Variants in ITPR2 observed in about 807,000 individuals in gnomAD.
The protein encoded by ITPR2 is inositol 1,4,5-trisphosphate receptor type 2.
Under a neutral mutation model 317.1 loss-of-function variants are expected in ITPR2, and 207 were observed. The ratio of observed to expected loss-of-function variants is 0.65; its 90% CI spans 0.58 to 0.73. The LOEUF is 0.73. ITPR2 is among the 30% of genes least tolerant of loss of function. The pLI, the probability that ITPR2 is intolerant of heterozygous loss-of-function variation, is 0.00. For synonymous variants in ITPR2, 1,156 were observed against 1,149.1 expected (o/e 1.01, Z -0.12); for missense variants, 2,613 against 3,284.0 (o/e 0.80, Z 4.99).
chr12:26,368,755 C>T (rs900087807), intron 55 of ITPR2, among the ~76,000 whole-genome samples: 1 of 152,032 alleles, frequency 6.6e-6, no homozygotes, highest in African/African-American at 2.4e-5. Flanking sequence ...TACTAAGCGC[C>T]CACTATGTGC....
At position 26,715,238 on chromosome 12, in the gene ITPR2, C is replaced by A. The variant is rs1168547447; in HGVS notation, c.855+61G>T. 2.1e-6 allele frequency: 3 copies of A among 1,396,098 alleles called. No homozygotes were observed. In the African/African-American group the frequency reaches 4.3e-5, roughly 20 times the overall value. 86.5% of individuals were successfully genotyped at this position (1,396,098 alleles called of 1,614,324 possible). On this transcript the variant is annotated intron_variant, in intron 8 of 56. Coordinates refer to ENST00000381340, the MANE Select transcript of ITPR2 (RefSeq NM_002223.4). ...ATGCCTATAACAATAAAACAACAAGCCCAGTGAATCTTCTCTTTTTGATCT... is the reference window on the plus strand; with the variant it reads ...ATGCCTATAACAATAAAACAACAAGACCAGTGAATCTTCTCTTTTTGATCT...
chr12:26,513,798 C>T (rs1211866454), intron 37 of ITPR2, among the ~76,000 whole-genome samples: 2 of 151,858 alleles, frequency 1.3e-5, no homozygotes, highest in Non-Finnish European at 2.9e-5. Flanking sequence ...ACATTTTTCC[C>T]CCGCCGTGGT....
rs1343399714 is a variant in ITPR2 at position 26,337,275 on chromosome 12, A to G, written c.*2122T>C. On this transcript the variant is annotated 3_prime_UTR_variant, in exon 57 of 57. Coordinates refer to ENST00000381340, the MANE Select transcript of ITPR2 (RefSeq NM_002223.4). ...GGCTAGATACTTTATCATCTGAAAG[A>G]CAGGTTGCTCAGATGTATACAAATG... 1 of 152,206 alleles carries G rather than the reference A, an allele frequency of 6.6e-6. No homozygotes were observed. The highest frequency in any genetic ancestry group is 1.5e-5 in the Non-Finnish European group (1 of 68,032). The allele number at this position is 152,206 out of a possible 1,614,324, so 9.4% of individuals were successfully genotyped here.
intron 26 of ITPR2, among the ~76,000 whole-genome samples, chr12:26,616,495 G>A (rs1946377765): frequency 6.6e-6 from 1 of 152,002 alleles, no homozygotes; most frequent in African/African-American, 2.4e-5. Flanking sequence ...ACTCACAATG[G>A]AAAAATTTTT....
At chr12:26,784,270 T>G (rs73298531) in intron 2 of ITPR2, among the ~76,000 whole-genome samples, 23,733 of 48,640 alleles carry the variant, frequency 0.49, 3,951 homozygotes, top group Non-Finnish European at 0.56. Flanking sequence ...CCTCTCCCTC[T>G]CCCTCTCCCT....
In ITPR2 at chr12:26,770,454, C is replaced by T. The variant is rs898653686; in HGVS notation, c.163+19703G>A. Among the ~76,000 whole-genome samples, 3 of 152,210 alleles carry T rather than the reference C, an allele frequency of 2.0e-5. No homozygotes were observed. The East Asian group carries it at 5.8e-4, about 29-fold the overall frequency. On this transcript the variant is annotated intron_variant, in intron 2 of 56. Coordinates refer to ENST00000381340, the MANE Select transcript of ITPR2 (RefSeq NM_002223.4). Reference sequence around the variant, plus strand: ...TTAACAACTGGCCATTCTTCCTCTGCATTCCAAAGCCAATCACAATTCTCT... The same window carrying T: ...TTAACAACTGGCCATTCTTCCTCTGTATTCCAAAGCCAATCACAATTCTCT...
At chr12:26,813,270 A>T (rs1295116207) in intron 1 of ITPR2, among the ~76,000 whole-genome samples, 1 of 152,214 alleles carries the variant, frequency 6.6e-6, no homozygotes, top group African/African-American at 2.4e-5. Context: ...GAAAATTTTA[A>T]ACCCTGCTTA....
At chr12:26,430,421 G>A (rs368714939) in intron 48 of ITPR2, among the ~76,000 whole-genome samples, 2 of 152,156 alleles carry the variant, frequency 1.3e-5, no homozygotes, top group Non-Finnish European at 1.5e-5. Context: ...CTGCCACCAC[G>A]TCTGGCTAAA....
intron 21 of ITPR2, among the ~76,000 whole-genome samples, chr12:26,634,235 T>C (rs1488606009): frequency 1.3e-5 from 2 of 152,160 alleles, no homozygotes; most frequent in Non-Finnish European, 2.9e-5. Context: ...CCATTACAGC[T>C]TGAAAAACAT....
intron 54 of ITPR2, among the ~76,000 whole-genome samples, chr12:26,390,070 T>C (rs927764107): frequency 6.6e-6 from 1 of 152,334 alleles, no homozygotes; most frequent in Admixed American, 6.5e-5. Flanking sequence ...TAAAATATTG[T>C]TCCACTAGAA....
rs1381620922 is a variant in ITPR2 at position 26,443,552 on chromosome 12, T to G, written c.6441A>C (p.Ala2147=). ...AATAATAGATGGTTACCTCAATCTGTGCAGTGTGGTTGGCATAATACTTTA... is the reference window on the plus strand; with the variant it reads ...AATAATAGATGGTTACCTCAATCTGGGCAGTGTGGTTGGCATAATACTTTA... ...EALKYYANHT[A]QIEIVRHDRT... Residue 2147 remains alanine (A), a synonymous_variant, in exon 46 of 57, where the codon GCA becomes GCC. Coordinates refer to ENST00000381340, the MANE Select transcript of ITPR2 (RefSeq NM_002223.4). The G allele has an allele frequency of 1.2e-6, 2 of 1,609,866 alleles. No individual in the cohort carries two copies.
intron 2 of ITPR2, among the ~76,000 whole-genome samples, chr12:26,771,170 TA>T (rs1032565208): frequency 3.9e-5 from 6 of 152,216 alleles, no homozygotes; most frequent in African/African-American, 1.4e-4. Flanking sequence ...AGACGTTATA[TA>T]AAAAGACATT....
At chr12:26,626,123 G>C (rs1047727984) in intron 23 of ITPR2, among the ~76,000 whole-genome samples, 2 of 152,090 alleles carry the variant, frequency 1.3e-5, no homozygotes, top group African/African-American at 4.8e-5. Context: ...CTCCACTACT[G>C]GCTAATTTTT....
At chr12:26,597,664 G>A (rs570224449) in intron 30 of ITPR2, among the ~76,000 whole-genome samples, 1 of 152,196 alleles carries the variant, frequency 6.6e-6, no homozygotes, top group South Asian at 2.1e-4. Context: ...GAAATAAGTA[G>A]AAAACTAAAA....
In ITPR2 at chr12:26,656,443, C is replaced by T. The variant is rs745841899; in HGVS notation, c.2298G>A (p.Ser766=). The T allele has an allele frequency of 9.4e-5, 151 of 1,614,054 alleles. No homozygotes were observed. Among genetic ancestry groups the T allele is most frequent in the Non-Finnish European group, 1.2e-4 (140 of 1,180,038 alleles). Reference sequence around the variant, plus strand: ...GGAGGTCGAACGGCAGGCTCTCATCCGACACACACCGCAGGATCAGGTCTA... The same window carrying T: ...GGAGGTCGAACGGCAGGCTCTCATCTGACACACACCGCAGGATCAGGTCTA... ...LSVDLILRCV[S]DESLPFDLRA... Residue 766 remains serine (S), a synonymous_variant, in exon 19 of 57, where the codon TCG becomes TCA. Coordinates refer to ENST00000381340, the MANE Select transcript of ITPR2 (RefSeq NM_002223.4).
In ITPR2 at chr12:26,681,904, T is replaced by C. The variant is rs1413004370; in HGVS notation, c.1379A>G (p.Glu460Gly). The stretch of plus-strand genomic sequence containing the variant: ...TTCATTCTGAGTTATTGTGCCGTTT[T>C]CTAGCTTTTTAACTGTGGTCGCTAG... Reference protein sequence around the residue: ...KVLATTVKKLENGTITQNERR... With the variant: ...KVLATTVKKLGNGTITQNERR... Residue 460 changes from glutamate to glycine, a missense_variant, in exon 13 of 57, where the codon GAA becomes GGA. Transcript: ENST00000381340. 1 of 1,613,026 alleles carries C rather than the reference T, an allele frequency of 6.2e-7. No homozygotes were observed. The highest frequency in any genetic ancestry group is 8.5e-7 in the Non-Finnish European group (1 of 1,179,168).
At chr12:26,677,939 T>C (rs980643842) in intron 13 of ITPR2, among the ~76,000 whole-genome samples, 1 of 152,154 alleles carries the variant, frequency 6.6e-6, no homozygotes, top group Non-Finnish European at 1.5e-5. Context: ...CCTGGGCTCC[T>C]ATCATGGGGA....
At chr12:26,478,159 TC>T (rs959475007) in intron 43 of ITPR2, among the ~76,000 whole-genome samples, 1 of 151,920 alleles carries the variant, frequency 6.6e-6, no homozygotes, top group Non-Finnish European at 1.5e-5. Flanking sequence ...CCAACTATTT[TC>T]CCCCCAGAAG....
chr12:26,528,803 C>T (rs1395795657), intron 37 of ITPR2, among the ~76,000 whole-genome samples: 1 of 152,194 alleles, frequency 6.6e-6, no homozygotes, highest in Non-Finnish European at 1.5e-5. Flanking sequence ...CTGTACTGAA[C>T]CCATTTGCTG....
Sources: allele counts gnomAD v4.1 joint callset (sites outside exome capture counted in the v4.1 genomes callset), GRCh38; gene constraint gnomAD v4.1.1; transcripts MANE v1.5; gene names NCBI Gene and HGNC (gene_info 2026-07-23, HGNC 2026-07-21).